The following YAF2 variants were observed in gnomAD, a reference collection of about 807,000 sequenced individuals.
The protein encoded by YAF2 is YY1 associated factor 2.
A neutral mutation model predicts 20.1 loss-of-function variants in YAF2; 7 were observed. The observed-to-expected ratio is 0.35, with a 90% CI of 0.20 to 0.65. The LOEUF is 0.65. Ranked by LOEUF, YAF2 falls within the 30% of genes least tolerant of loss-of-function variation. The pLI is 0.69. For missense variants in YAF2, 151 were observed against 219.2 expected (o/e 0.69, Z 1.96); for synonymous variants, 74 against 76.0 (o/e 0.97, Z 0.14).
intron 2 of YAF2, among the ~76,000 whole-genome samples, chr12:42,177,149 C>G (rs2066216455): frequency 6.6e-6 from 1 of 152,168 alleles, no homozygotes; most frequent in South Asian, 2.1e-4. Flanking sequence ...ATATGGCAAT[C>G]AACAAAATCC....
rs1462126892 is a variant in YAF2, at chr12:42,238,135, CG to C, written c.26+19del. On this transcript the variant is annotated intron_variant, in intron 1 of 3. Coordinates refer to ENST00000534854, the MANE Select transcript of YAF2 (RefSeq NM_005748.6). The stretch of plus-strand genomic sequence containing the variant: ...CCTGCCGCCCGCACAGTCCGGGCCC[CG>C]GGGCCCGGGCGCTGTTACCTGGTGG... 8 of 1,533,932 alleles carry C rather than the reference CG, an allele frequency of 5.2e-6. No homozygotes were observed. Among genetic ancestry groups the C allele is most frequent in the Non-Finnish European group, 7.0e-6 (8 of 1,142,142 alleles).
intron 2 of YAF2, chr12:42,237,350 C>G (rs1018568392): frequency 1.1e-5 from 12 of 1,135,572 alleles, no homozygotes; most frequent in African/African-American, 6.6e-5. Context: ...ATCGCAGTAG[C>G]TAATGCCTCC....
chr12:42,158,965 C>G lies in YAF2; in HGVS notation c.*1624G>C, dbSNP rs2065749501. The G allele has an allele frequency of 6.6e-6, 1 of 152,088 alleles. No individual in the cohort carries two copies. The highest frequency in any genetic ancestry group is 1.5e-5 in the Non-Finnish European group (1 of 68,004). 9.4% of individuals were successfully genotyped at this position (152,088 alleles called of 1,614,324 possible). A position where few individuals can be genotyped will look rare whatever the true frequency, so the allele number is the denominator to read the frequency against. On this transcript the variant is annotated 3_prime_UTR_variant, in exon 4 of 4. Transcript: ENST00000534854. ...GTTTTAAAGGAACATATCTGGTTAG[C>G]TGGTATTCCATTGAAAGTATCTTAT...
intron 2 of YAF2, among the ~76,000 whole-genome samples, chr12:42,169,383 T>G (rs146831387): frequency 9.9e-5 from 15 of 152,268 alleles, no homozygotes; most frequent in Non-Finnish European, 2.2e-4. Context: ...TTGAGGTTAC[T>G]TCATGCTGTT....
At chr12:42,218,038 C>G (rs2067408587) in intron 2 of YAF2, among the ~76,000 whole-genome samples, 1 of 152,104 alleles carries the variant, frequency 6.6e-6, no homozygotes, top group Non-Finnish European at 1.5e-5. Flanking sequence ...CTATGGCAAA[C>G]AGTAAAAAAT....
intron 2 of YAF2, chr12:42,232,228 G>C (rs748491991): frequency 4.3e-5 from 7 of 162,100 alleles, no homozygotes; most frequent in Non-Finnish European, 7.8e-5. Context: ...TAGCAATTTG[G>C]TGCCACTGCT....
At chr12:42,234,886 G>T in intron 2 of YAF2, 1 of 751,554 alleles carries the variant, frequency 1.3e-6, no homozygotes, top group Non-Finnish European at 1.6e-6. Flanking sequence ...TACTTGGGAG[G>T]CTGAGGTGGG....
chr12:42,171,799 CAAA>C (rs11352121), intron 2 of YAF2, among the ~76,000 whole-genome samples: 7 of 142,950 alleles, frequency 4.9e-5, no homozygotes, highest in African/African-American at 5.1e-5. Context: ...ACAGAAAATA[CAAA>C]AAAAAAAAAA....
At chr12:42,215,846 CA>C (rs2137267737) in intron 2 of YAF2, among the ~76,000 whole-genome samples, 1 of 152,158 alleles carries the variant, frequency 6.6e-6, no homozygotes, top group East Asian at 1.9e-4. Context: ...CACTTGAAAC[CA>C]GGAGGCAGAG....
chr12:42,195,754 T>C (rs575690679), intron 2 of YAF2, among the ~76,000 whole-genome samples: 2 of 152,228 alleles, frequency 1.3e-5, no homozygotes, highest in South Asian at 4.1e-4. Flanking sequence ...TCATGGTGTG[T>C]TGAGACTGGG....
chr12:42,160,874 A>G, intron 3 of YAF2, 48 bp from the exon 4 acceptor site: 1 of 1,473,336 alleles, frequency 6.8e-7, no homozygotes, highest in Non-Finnish European at 9.2e-7. Flanking sequence ...CCTCTACCAA[A>G]TTTCTGAGCA....
intron 2 of YAF2, among the ~76,000 whole-genome samples, chr12:42,177,087 C>T (rs1305466285): frequency 6.6e-6 from 1 of 152,204 alleles, no homozygotes. Flanking sequence ...TAAAACCACC[C>T]AATGGGCTCC....
At chr12:42,164,371 A>G (rs2065864801) in intron 2 of YAF2, among the ~76,000 whole-genome samples, 1 of 152,178 alleles carries the variant, frequency 6.6e-6, no homozygotes, top group South Asian at 2.1e-4. Context: ...TGTGAGCAGG[A>G]GGTCAATACA....
chr12:42,180,251 TA>T (rs1169419547), intron 2 of YAF2, among the ~76,000 whole-genome samples: 1 of 152,176 alleles, frequency 6.6e-6, no homozygotes, highest in Non-Finnish European at 1.5e-5. Context: ...ATTAGCTTAC[TA>T]AAACACTCTA....
intron 2 of YAF2, among the ~76,000 whole-genome samples, chr12:42,185,279 TGAG>T (rs1384428754): frequency 3.3e-5 from 5 of 152,246 alleles, no homozygotes; most frequent in Non-Finnish European, 5.9e-5. Flanking sequence ...CTTTCACAGA[TGAG>T]GAGTTGCTTA....
At chr12:42,231,574 C>T (rs184976598) in intron 2 of YAF2, 26 of 152,270 alleles carry the variant, frequency 1.7e-4, no homozygotes, top group African/African-American at 5.8e-4. Context: ...TTCAGTGTTC[C>T]CTTAAAATCT....
At chr12:42,235,602 T>G in intron 2 of YAF2, 8 of 1,464,332 alleles carry the variant, frequency 5.5e-6, no homozygotes, top group Non-Finnish European at 7.2e-6. Context: ...GGTCGTGGTG[T>G]AGAACACTTA....
At chr12:42,164,138 TG>T (rs1199211588) in intron 2 of YAF2, among the ~76,000 whole-genome samples, 2 of 152,236 alleles carry the variant, frequency 1.3e-5, no homozygotes, top group African/African-American at 2.4e-5. Context: ...GTCTAGCCAC[TG>T]GCCAACTACA....
intron 2 of YAF2, among the ~76,000 whole-genome samples, chr12:42,166,845 G>A (rs2065927212): frequency 6.6e-6 from 1 of 150,754 alleles, no homozygotes; most frequent in African/African-American, 2.4e-5. Flanking sequence ...AAAAAAAAAG[G>A]AGGGCAAAGA....
Sources: gnomAD v4.1 joint callset for allele counts (sites outside exome capture counted in the v4.1 genomes callset) on GRCh38, gnomAD v4.1.1 for gene constraint, MANE v1.5 for transcripts, NCBI Gene and HGNC (gene_info 2026-07-23, HGNC 2026-07-21) for gene names.